The following PLCL1 variants were observed in gnomAD, a reference collection of about 807,000 sequenced individuals.
The protein encoded by PLCL1 is phospholipase C like 1 (inactive).
PLCL1 carries 41 observed loss-of-function variants against 84.4 expected under a neutral mutation model. The observed-to-expected ratio is 0.49, with a 90% CI of 0.38 to 0.63. The LOEUF (loss-of-function observed/expected upper bound fraction) is 0.63, where lower values mean the gene tolerates loss of function less well. Ranked by LOEUF, PLCL1 falls within the 30% of genes least tolerant of loss-of-function variation. PLCL1 has a pLI of 0.00. For missense variants in PLCL1, 1,206 were observed against 1,367.8 expected (o/e 0.88, Z 1.87); for synonymous variants, 490 against 488.3 (o/e 1.00, Z -0.05).
At chr2:198,101,460 C>T in intron 4 of PLCL1, 100 bp downstream of exon 4, 1 of 660,778 alleles carries the variant, frequency 1.5e-6, no homozygotes, top group South Asian at 1.9e-5. Flanking sequence ...TTCTGCTTCT[C>T]TTAAAATGCA....
intron 1 of PLCL1, among the ~76,000 whole-genome samples, chr2:198,029,505 G>A (rs138783859): frequency 1.3e-5 from 2 of 152,024 alleles, no homozygotes; most frequent in African/African-American, 2.4e-5. Flanking sequence ...TCTATACCCC[G>A]AAGAACAACT....
intron 1 of PLCL1, among the ~76,000 whole-genome samples, chr2:197,947,805 G>A (rs547887805): frequency 3.3e-5 from 5 of 152,142 alleles, no homozygotes; most frequent in Non-Finnish European, 7.3e-5. Context: ...TCATTAATCT[G>A]GGTGGCACTT....
rs1692832592 is a variant in PLCL1 at position 198,085,113 on chromosome 2, A to G, written c.1596A>G (p.Lys532=). The change falls in exon 2 of 6, where the codon AAA becomes AAG. Residue 532 remains lysine, a synonymous_variant. Coordinates refer to ENST00000428675, the MANE Select transcript of PLCL1 (RefSeq NM_006226.4). This position sits in a 1 kb window ranked among gnomAD's most constrained non-coding sequence, Gnocchi z 5.3. ...AATCCTACCTCCCATCACCAGAAAAATTAAAAAGAATGATCATTGTGAAAG... is the reference window on the plus strand; with the variant it reads ...AATCCTACCTCCCATCACCAGAAAAGTTAAAAAGAATGATCATTGTGAAAG... ...PSESYLPSPE[K]LKRMIIVKGK... The G allele has an allele frequency of 1.9e-6, 3 of 1,614,122 alleles. No homozygotes were observed. The highest frequency in any genetic ancestry group is 2.5e-6 in the Non-Finnish European group (3 of 1,180,004).
intron 1 of PLCL1, among the ~76,000 whole-genome samples, chr2:197,853,956 C>A (rs1486372699): frequency 6.6e-6 from 1 of 152,178 alleles, no homozygotes; most frequent in Non-Finnish European, 1.5e-5. Flanking sequence ...GGGGCTTCAT[C>A]TGGACCAGTT....
chr2:198,064,236 AG>A (rs1450241471), intron 1 of PLCL1, among the ~76,000 whole-genome samples: 52 of 152,176 alleles, frequency 3.4e-4, no homozygotes, highest in Admixed American at 3.3e-3. Flanking sequence ...TAGTCCTCCA[AG>A]TTCCATTATA....
chr2:197,915,877 A>C (rs1688590408), intron 1 of PLCL1, among the ~76,000 whole-genome samples: 1 of 152,200 alleles, frequency 6.6e-6, no homozygotes, highest in Non-Finnish European at 1.5e-5. Flanking sequence ...TAGGTATCTC[A>C]GTTGTTATTG....
At chr2:198,095,632 A>G (rs1387584300) in intron 3 of PLCL1, among the ~76,000 whole-genome samples, 1 of 152,184 alleles carries the variant, frequency 6.6e-6, no homozygotes, top group Non-Finnish European at 1.5e-5. Context: ...ACCCAGCCCT[A>G]GGAGTCTACT....
chr2:197,975,889 C>T (rs560979734), intron 1 of PLCL1, among the ~76,000 whole-genome samples: 2 of 152,220 alleles, frequency 1.3e-5, no homozygotes, highest in South Asian at 2.1e-4. Context: ...ACCCCTACCC[C>T]GCCTCTTACG....
intron 1 of PLCL1, among the ~76,000 whole-genome samples, chr2:197,931,706 A>G (rs1202379424): frequency 1.9e-5 from 1 of 52,768 alleles, no homozygotes; most frequent in African/African-American, 7.7e-5. Flanking sequence ...CCACCCAACC[A>G]TCCAATCACC....
At chr2:197,975,302 G>A (rs1299716818) in intron 1 of PLCL1, among the ~76,000 whole-genome samples, 1 of 151,962 alleles carries the variant, frequency 6.6e-6, no homozygotes, top group Non-Finnish European at 1.5e-5. Context: ...TTTTAATGAT[G>A]AGGAAACAGA....
chr2:198,080,956 G>T (rs16827465), intron 1 of PLCL1, among the ~76,000 whole-genome samples: 40,356 of 152,002 alleles, frequency 0.27, 6,732 homozygotes, highest in African/African-American at 0.48. Flanking sequence ...TGAAGGCTTG[G>T]CATTCTAGGA....
At chr2:198,002,773 G>T (rs1690632604) in intron 1 of PLCL1, among the ~76,000 whole-genome samples, 1 of 152,116 alleles carries the variant, frequency 6.6e-6, no homozygotes, top group South Asian at 2.1e-4. Context: ...GTATCCTGAG[G>T]GTCTGTCCAT....
At chr2:198,108,368 A>G (rs1693539819) in intron 5 of PLCL1, among the ~76,000 whole-genome samples, 1 of 151,852 alleles carries the variant, frequency 6.6e-6, no homozygotes, top group Non-Finnish European at 1.5e-5. Context: ...GAATTAACCA[A>G]TTCTGGTTAA....
intron 1 of PLCL1, among the ~76,000 whole-genome samples, chr2:197,840,983 T>A (rs1364897240): frequency 6.6e-6 from 1 of 152,188 alleles, no homozygotes; most frequent in Non-Finnish European, 1.5e-5. Context: ...TTAAATTTCT[T>A]CAACACTTCA....
At chr2:197,923,908 C>A (rs1688776409) in intron 1 of PLCL1, among the ~76,000 whole-genome samples, 1 of 151,572 alleles carries the variant, frequency 6.6e-6, no homozygotes, top group African/African-American at 2.4e-5. Context: ...GCAATCCCGG[C>A]ACCTCGGGAG....
At chr2:197,979,484 T>C (rs932919654) in intron 1 of PLCL1, among the ~76,000 whole-genome samples, 1 of 152,202 alleles carries the variant, frequency 6.6e-6, no homozygotes, top group African/African-American at 2.4e-5. Flanking sequence ...GGGCCGGATT[T>C]CTGACCCTCA....
chr2:197,837,898 A>G (rs908505544), intron 1 of PLCL1, among the ~76,000 whole-genome samples: 2 of 152,196 alleles, frequency 1.3e-5, no homozygotes, highest in African/African-American at 4.8e-5. Flanking sequence ...TTTGTTTGAA[A>G]TTGGGGGCTC....
intron 1 of PLCL1, among the ~76,000 whole-genome samples, chr2:197,823,478 T>C (rs1690859086): frequency 6.6e-6 from 1 of 152,152 alleles, no homozygotes; most frequent in Non-Finnish European, 1.5e-5. Context: ...TATTATTATT[T>C]GGAAATAGGA....
Position 197,844,321 on chromosome 2 carries a change from G to T in PLCL1, c.240+38982G>T, listed in dbSNP as rs79298542. ...GACCACTCTCCTAATTTCTGACCCC[G>T]TAGGTTAGTTTGACCCATTTTTGAG... On this transcript the variant is annotated intron_variant, in intron 1 of 5. Coordinates refer to ENST00000428675, the MANE Select transcript of PLCL1 (RefSeq NM_006226.4). Among the ~76,000 whole-genome samples, 11 of 152,106 alleles carry T rather than the reference G, an allele frequency of 7.2e-5. No homozygotes were observed. In the East Asian group the frequency reaches 2.1e-3, roughly 29 times the overall value.
Sources: allele counts gnomAD v4.1 joint callset (sites outside exome capture counted in the v4.1 genomes callset), GRCh38; gene constraint gnomAD v4.1.1; non-coding constraint Gnocchi (gnomAD v3.1); transcripts MANE v1.5; gene names NCBI Gene and HGNC (gene_info 2026-07-23, HGNC 2026-07-21).